The following ZNF256 variants were observed in gnomAD, a reference collection of about 807,000 sequenced individuals.
ZNF256 encodes zinc finger protein 256, also known as bone marrow zinc finger 3.
A neutral mutation model predicts 7.9 loss-of-function variants in ZNF256; 4 were observed. The ratio of observed to expected loss-of-function variants is 0.50; its 90% CI spans 0.25 to 1.15. The LOEUF is 1.15. Ranked by LOEUF, ZNF256 falls within the 50% of genes most tolerant of loss-of-function variation. The pLI, the probability that ZNF256 is intolerant of heterozygous loss-of-function variation, is 0.15. For missense variants in ZNF256, 666 were observed against 755.9 expected, an observed-to-expected ratio of 0.88 and a Z score of 1.39; for synonymous variants, 260 against 260.4, an observed-to-expected ratio of 1.00 and a Z score of 0.02.
In ZNF256 at chr19:57,941,214, A is replaced by G. The variant is rs774989147; in HGVS notation, c.1594T>C (p.Ser532Pro). ...NECGKFFSQS[S>P]SLIRHRRSHT... ...CTTCTCCTATGTCTAATGAGGCTGG[A>G]GCTCTGGCTAAAAAACTTCCCACAT... The change falls in exon 3 of 3, where the codon TCC becomes CCC. Residue 532 changes from serine to proline, a missense_variant. Transcript: ENST00000282308. The G allele has an allele frequency of 1.2e-6, 2 of 1,613,870 alleles. No homozygotes were observed. The highest frequency in any genetic ancestry group is 1.7e-5 in the Admixed American group (1 of 59,998).
chr19:57,941,079 A>C lies in ZNF256; in HGVS notation c.1729T>G (p.Cys577Gly). Residue 577 changes from cysteine (C) to glycine (G), a missense_variant, in exon 3 of 3, where the codon TGC (cysteine) becomes GGC (glycine). By Grantham distance (159) the Cys-to-Gly change is radical (BLOSUM62 -3). Coordinates refer to ENST00000282308, the MANE Select transcript of ZNF256 (RefSeq NM_005773.3). ...RVHTGERPYECSECGKSFSQS... is the reference protein window; with the variant it reads ...RVHTGERPYEGSECGKSFSQS... ...CTAAAGGATTTTCCACATTCACTGC[A>C]TTCATAAGGCCTTTCTCCGGTATGA... is the stretch of plus-strand genomic sequence containing the variant. The C allele has an allele frequency of 6.2e-7, 1 of 1,614,180 alleles. No homozygotes were observed. Among genetic ancestry groups the C allele is most frequent in the Non-Finnish European group, 8.5e-7 (1 of 1,180,034 alleles).
rs140343336 is a variant in ZNF256 at position 57,946,930 on chromosome 19, A to C, written c.33+512T>G. On this transcript the variant is annotated intron_variant, in intron 1 of 2. Transcript: ENST00000282308. ...CTGCCAGAAATTGGAACAACTCTAT[A>C]TACCGGCTAACATGGACATAGGACC... Among the ~76,000 whole-genome samples, 16 of 152,262 alleles carry C rather than the reference A, an allele frequency of 1.1e-4. No individual in the cohort carries two copies. The East Asian group carries it at 3.1e-3, about 30-fold the overall frequency.
chr19:57,944,479 T>C (rs1323437543), intron 1 of ZNF256, among the ~76,000 whole-genome samples: 1 of 152,166 alleles, frequency 6.6e-6, no homozygotes, highest in Admixed American at 6.5e-5. Flanking sequence ...CACCACTACG[T>C]CCTATACCAC....
Position 57,941,816 on chromosome 19 carries a change from G to A in ZNF256, c.992C>T (p.Ser331Phe), listed in dbSNP as rs2072730936. ...RPYKCSECGK[S>F]FSHSSSLITH... ...AATGAGGCTAGAGCTATGGCTAAAGGATTTCCCACATTCACTGCACTTGTA... is the reference window on the plus strand; with the variant it reads ...AATGAGGCTAGAGCTATGGCTAAAGAATTTCCCACATTCACTGCACTTGTA... The change falls in exon 3 of 3, where the codon TCC becomes TTC. Residue 331 changes from serine to phenylalanine, a missense_variant. Physicochemically the swap from Ser to Phe is radical, Grantham distance 155. Coordinates refer to ENST00000282308, the MANE Select transcript of ZNF256 (RefSeq NM_005773.3). 2.5e-6 allele frequency: 4 copies of A among 1,613,874 alleles called. No individual in the cohort carries two copies. Among genetic ancestry groups the A allele is most frequent in the Non-Finnish European group, 3.4e-6 (4 of 1,179,998 alleles).
rs574976483 is a variant in ZNF256 at position 57,942,622 on chromosome 19, C to T, written c.186G>A (p.Glu62=). 1 of 1,613,758 alleles carries T rather than the reference C, an allele frequency of 6.2e-7. No homozygotes were observed. Among genetic ancestry groups the T allele is most frequent in the South Asian group, 1.1e-5 (1 of 91,074 alleles). Residue 62 remains glutamate, a synonymous_variant, in exon 3 of 3, where the codon GAG becomes GAA. Coordinates refer to ENST00000282308, the MANE Select transcript of ZNF256 (RefSeq NM_005773.3). ...SLGGSGAGDE[E]APYQQSTSPQ... is the part of the protein sequence containing the mutation. ...GAGAAGTGCTCTGCTGATAAGGTGC[C>T]TCCTCATCCCCTGCTCCAGAACCAC...
intron 2 of ZNF256, 51 bp downstream of exon 2, chr19:57,943,883 G>T (rs2072746991): frequency 1.3e-6 from 2 of 1,599,686 alleles, no homozygotes; most frequent in South Asian, 2.2e-5. Flanking sequence ...CTGGGGAAAG[G>T]GTAAGAGCAA....
In ZNF256 at chr19:57,941,981, T is replaced by C. The variant is rs2072732775; in HGVS notation, c.827A>G (p.Tyr276Cys). ...CGTAATAAGGCTAGAGCTTTGCCTATAGGATTTCCCACATTCTCCACATGT... is the reference window on the plus strand; with the variant it reads ...CGTAATAAGGCTAGAGCTTTGCCTACAGGATTTCCCACATTCTCCACATGT... ...PYTCGECGKS[Y>C]RQSSSLITHR... is the part of the protein sequence containing the mutation. Residue 276 changes from tyrosine to cysteine, a missense_variant, in exon 3 of 3, where the codon TAT (tyrosine) becomes TGT (cysteine). By Grantham distance (194) the Tyr-to-Cys change is radical. Coordinates refer to ENST00000282308, the MANE Select transcript of ZNF256 (RefSeq NM_005773.3). The C allele has an allele frequency of 1.2e-6, 2 of 1,614,104 alleles. No individual in the cohort carries two copies. The highest frequency in any genetic ancestry group is 1.7e-6 in the Non-Finnish European group (2 of 1,180,006).
chr19:57,947,388 G>T, intron 1 of ZNF256, 54 bp downstream of exon 1: 2 of 1,243,912 alleles, frequency 1.6e-6, no homozygotes, highest in Non-Finnish European at 2.0e-6. Context: ...GCCCTCGGGG[G>T]TGCTAGGACT....
chr19:57,941,381 G>T lies in ZNF256; in HGVS notation c.1427C>A (p.Ser476Tyr). 1 of 1,614,120 alleles carries T rather than the reference G, an allele frequency of 6.2e-7. No individual in the cohort carries two copies. Among genetic ancestry groups the T allele is most frequent in the Non-Finnish European group, 8.5e-7 (1 of 1,180,026 alleles). ...SECGKSFTCK[S>Y]YLISHWKVHT... ...AACTTTCCAGTGTGAGATGAGGTAG[G>T]ATTTACAGGTAAAGGATTTTCCACA... Residue 476 changes from serine (S) to tyrosine (Y), a missense_variant, in exon 3 of 3, where the codon TCC becomes TAC. Ser to Tyr is a moderately radical substitution (Grantham distance 144). Coordinates refer to ENST00000282308, the MANE Select transcript of ZNF256 (RefSeq NM_005773.3).
chr19:57,941,500 T>C lies in ZNF256; in HGVS notation c.1308A>G (p.Glu436=), dbSNP rs1260771277. Residue 436 remains glutamate (E), a synonymous_variant, in exon 3 of 3, where the codon GAA becomes GAG. Coordinates refer to ENST00000282308, the MANE Select transcript of ZNF256 (RefSeq NM_005773.3). Reference sequence around the variant, plus strand: ...TAAATAATTTTCCACATTCATGACATTCATGAGATCTTACTCCAGTATGAA... The same window carrying C: ...TAAATAATTTTCCACATTCATGACACTCATGAGATCTTACTCCAGTATGAA... The part of the protein sequence containing the change: ...QRVHTGVRSH[E]CHECGKLFSR... 3 of 1,613,838 alleles carry C rather than the reference T, an allele frequency of 1.9e-6. No homozygotes were observed. Among genetic ancestry groups the C allele is most frequent in the Non-Finnish European group, 2.5e-6 (3 of 1,180,010 alleles).
chr19:57,941,956 C>T lies in ZNF256; in HGVS notation c.852G>A (p.Thr284=), dbSNP rs10414058. ...KSYRQSSSLI[T]HRRIHTGVRP... is the part of the protein sequence containing the mutation. ...TTACTCCAGTGTGAATTCTTCGGTG[C>T]GTAATAAGGCTAGAGCTTTGCCTAT... Residue 284 remains threonine, a synonymous_variant, in exon 3 of 3, where the codon ACG becomes ACA. Coordinates refer to ENST00000282308, the MANE Select transcript of ZNF256 (RefSeq NM_005773.3). 530 of 1,614,022 alleles carry T rather than the reference C, an allele frequency of 3.3e-4. 3 individuals are homozygous for T. The African/African-American group carries it at 6.1e-3, about 18-fold the overall frequency.
intron 2 of ZNF256, 74 bp downstream of exon 2, chr19:57,943,860 G>C: frequency 6.4e-7 from 1 of 1,565,434 alleles, no homozygotes; most frequent in Non-Finnish European, 8.7e-7. Flanking sequence ...CTCTTGTGAA[G>C]ACACATCTGA....
chr19:57,941,121 C>G lies in ZNF256; in HGVS notation c.1687G>C (p.Val563Leu). The G allele has an allele frequency of 6.2e-7, 1 of 1,613,732 alleles. No individual in the cohort carries two copies. The highest frequency in any genetic ancestry group is 8.5e-7 in the Non-Finnish European group (1 of 1,179,918). Residue 563 changes from valine to leucine, a missense_variant, in exon 3 of 3, where the codon GTT becomes CTT. Transcript: ENST00000282308. Reference sequence around the variant, plus strand: ...CCGGTATGAACTCTTCGGTGTTTAACGAGGCTAGAGTGGTTACTAAAGGAT... The same window carrying G: ...CCGGTATGAACTCTTCGGTGTTTAAGGAGGCTAGAGTGGTTACTAAAGGAT... ...WKSFSNHSSLVKHRRVHTGER... is the reference protein window; with the variant it reads ...WKSFSNHSSLLKHRRVHTGER...
In ZNF256 at chr19:57,945,281, GAA is replaced by G. The variant is rs1299040692; in HGVS notation, c.34-1223_34-1222del. ...AGGGCCATACGGAGGTAGTACTCCA[GAA>G]AAGAGTAACAACCAGGTGCTGTAGA... is the stretch of plus-strand genomic sequence containing the variant. On this transcript the variant is annotated intron_variant, in intron 1 of 2. Transcript: ENST00000282308. 6.6e-5 allele frequency among the ~76,000 whole-genome samples: 10 copies of G among 152,298 alleles called. No individual in the cohort carries two copies. The East Asian group carries it at 1.9e-3, about 29-fold the overall frequency.
chr19:57,947,409 G>A lies in ZNF256; in HGVS notation c.33+33C>T, dbSNP rs745646246. On this transcript the variant is annotated intron_variant, in intron 1 of 2. Transcript: ENST00000282308. ...GGGGGTGCTAGGACTAGCGTGGGGA[G>A]GGCGGGGAAGGCCCAGAGGACGCGG... is the stretch of plus-strand genomic sequence containing the variant. The A allele has an allele frequency of 3.2e-6, 4 of 1,248,250 alleles. No homozygotes were observed. In the East Asian group the frequency reaches 9.5e-5, roughly 30 times the overall value. 77.3% of individuals were successfully genotyped at this position (1,248,250 alleles called of 1,614,324 possible).
At position 57,942,470 on chromosome 19, in the gene ZNF256, T is replaced by C. The variant is rs773536876; in HGVS notation, c.338A>G (p.His113Arg). The C allele has an allele frequency of 1.9e-6, 3 of 1,614,194 alleles. No homozygotes were observed. The highest frequency in any genetic ancestry group is 3.3e-5 in the Admixed American group (2 of 60,022). The change falls in exon 3 of 3, where the codon CAT becomes CGT. Residue 113 changes from histidine (H) to arginine (R), a missense_variant. His to Arg is a conservative substitution (Grantham distance 29). Transcript: ENST00000282308. ...LHLVEHQGTH[H>R]GQKLYTDGAC... Reference sequence around the variant, plus strand: ...CCCGTCTGTATACAGTTTCTGACCATGGTGTGTTCCTTGGTGTTCAACCAA... The same window carrying C: ...CCCGTCTGTATACAGTTTCTGACCACGGTGTGTTCCTTGGTGTTCAACCAA...
chr19:57,942,165 C>G lies in ZNF256; in HGVS notation c.643G>C (p.Glu215Gln). The G allele has an allele frequency of 6.2e-7, 1 of 1,614,268 alleles. No homozygotes were observed. Among genetic ancestry groups the G allele is most frequent in the Non-Finnish European group, 8.5e-7 (1 of 1,180,052 alleles). Residue 215 changes from glutamate (E) to glutamine (Q), a missense_variant, in exon 3 of 3, where the codon GAA (glutamate) becomes CAA (glutamine). Physicochemically the swap from Glu to Gln is conservative, Grantham distance 29. Transcript: ENST00000282308. Reference sequence around the variant, plus strand: ...TTGTAGCTGAAAGCTTTCACACATTCTCCCCAGTTGTAATGATTTTTTACA... The same window carrying G: ...TTGTAGCTGAAAGCTTTCACACATTGTCCCCAGTTGTAATGATTTTTTACA... ...HSVKNHYNWG[E>Q]CVKAFSYKHV...
At chr19:57,944,114 T>A in intron 1 of ZNF256, 54 bp from the exon 2 acceptor site, 1 of 1,607,920 alleles carries the variant, frequency 6.2e-7, no homozygotes, top group Non-Finnish European at 8.5e-7. Context: ...TCAGGATCCA[T>A]AATCCTTCCC....
In ZNF256 at chr19:57,941,362, C is replaced by A. The variant is rs780918564; in HGVS notation, c.1446G>T (p.Trp482Cys). Reference protein sequence around the residue: ...FTCKSYLISHWKVHTGARPYE... With the variant: ...FTCKSYLISHCKVHTGARPYE... Reference sequence around the variant, plus strand: ...AAGGCCTTGCTCCAGTATGAACTTTCCAGTGTGAGATGAGGTAGGATTTAC... The same window carrying A: ...AAGGCCTTGCTCCAGTATGAACTTTACAGTGTGAGATGAGGTAGGATTTAC... The change falls in exon 3 of 3, where the codon TGG becomes TGT. Residue 482 changes from tryptophan to cysteine, a missense_variant. Trp to Cys is a radical substitution (Grantham distance 215). Coordinates refer to ENST00000282308, the MANE Select transcript of ZNF256 (RefSeq NM_005773.3). The A allele has an allele frequency of 1.2e-6, 2 of 1,613,972 alleles. No homozygotes were observed. The highest frequency in any genetic ancestry group is 3.3e-5 in the Admixed American group (2 of 59,994).
Sources: allele counts gnomAD v4.1 joint callset (sites outside exome capture counted in the v4.1 genomes callset), GRCh38; gene constraint gnomAD v4.1.1; transcripts MANE v1.5; gene names NCBI Gene and HGNC (gene_info 2026-07-23, HGNC 2026-07-21).